Variants in NAALADL2 observed in about 807,000 individuals in gnomAD.
NAALADL2 encodes N-acetylated alpha-linked acidic dipeptidase like 2.
A neutral mutation model predicts 87.2 loss-of-function variants in NAALADL2; 76 were observed. The ratio of observed to expected loss-of-function variants is 0.87; its 90% CI spans 0.72 to 1.05. The LOEUF is 1.05. NAALADL2 is among the 50% of genes least tolerant of loss of function. The probability of loss-of-function intolerance (pLI) is 0.00; values close to 1 mark genes in which losing one functional copy is unlikely to be tolerated. For missense variants in NAALADL2, 1,089 were observed against 945.8 expected, an observed-to-expected ratio of 1.15 and a Z score of -1.99; for synonymous variants, 354 against 331.0, an observed-to-expected ratio of 1.07 and a Z score of -0.75.
chr3:175,787,706 C>G (rs1184549379), intron 13 of NAALADL2, among the ~76,000 whole-genome samples: 1 of 152,180 alleles, frequency 6.6e-6, no homozygotes, highest in East Asian at 1.9e-4. Context: ...TAGACCGGAG[C>G]TGTTCCTATC....
At chr3:175,546,381 G>A (rs889819489) in intron 9 of NAALADL2, among the ~76,000 whole-genome samples, 17 of 151,972 alleles carry the variant, frequency 1.1e-4, no homozygotes, top group South Asian at 4.1e-4. Flanking sequence ...GGCATGTAGC[G>A]CATTTACATT....
intron 1 of NAALADL2, among the ~76,000 whole-genome samples, chr3:174,518,201 A>T (rs1376063816): frequency 1.3e-5 from 2 of 152,112 alleles, no homozygotes; most frequent in Non-Finnish European, 2.9e-5. Flanking sequence ...GCCTGTGTGT[A>T]TGTAATTTCC....
intron 9 of NAALADL2, among the ~76,000 whole-genome samples, chr3:175,535,212 G>T (rs1395903799): frequency 6.6e-6 from 1 of 152,120 alleles, no homozygotes; most frequent in Non-Finnish European, 1.5e-5. Context: ...CCTGTCTTAG[G>T]TTACAAAAGC....
chr3:174,854,661 T>C (rs531617989), upstream of NAALADL2, among the ~76,000 whole-genome samples: 1 of 152,140 alleles, frequency 6.6e-6, no homozygotes, highest in Non-Finnish European at 1.5e-5. Flanking sequence ...GGTACAACCA[T>C]TATGTATCCA....
At chr3:174,860,754 T>C (rs114842219) in intron 1 of NAALADL2, among the ~76,000 whole-genome samples, 5,473 of 152,142 alleles carry the variant, frequency 0.036, 159 homozygotes, top group Non-Finnish European at 0.054. Flanking sequence ...TTATCCCTCT[T>C]TGTGTTAGGA....
intron 2 of NAALADL2, among the ~76,000 whole-genome samples, chr3:175,185,819 A>G (rs1270924921): frequency 2.0e-5 from 3 of 151,482 alleles, no homozygotes; most frequent in Non-Finnish European, 4.4e-5. Context: ...CAATATATCA[A>G]TTATAAATAG....
At chr3:175,433,367 T>C (rs1026587263) in intron 5 of NAALADL2, among the ~76,000 whole-genome samples, 2 of 152,042 alleles carry the variant, frequency 1.3e-5, no homozygotes, top group Non-Finnish European at 2.9e-5. Context: ...AAAAAGAACA[T>C]TTTGAGCAAT....
chr3:174,557,088 A>G (rs1252744062), intron 2 of NAALADL2, among the ~76,000 whole-genome samples: 4 of 152,286 alleles, frequency 2.6e-5, no homozygotes, highest in African/African-American at 9.6e-5. Flanking sequence ...ACAACATGTA[A>G]TTGCTATACA....
intron 2 of NAALADL2, among the ~76,000 whole-genome samples, chr3:174,621,443 A>T (rs763525412): frequency 9.2e-5 from 14 of 152,126 alleles, no homozygotes; most frequent in Non-Finnish European, 1.9e-4. Flanking sequence ...TCATATCATC[A>T]ACTGAAGGAC....
At chr3:175,509,151 G>T (rs1433087193) in intron 9 of NAALADL2, among the ~76,000 whole-genome samples, 1 of 150,954 alleles carries the variant, frequency 6.6e-6, no homozygotes, top group East Asian at 1.9e-4. Flanking sequence ...ATAGAGAACT[G>T]CCAACAAAGC....
At chr3:174,960,043 C>A (rs376760482) in intron 1 of NAALADL2, among the ~76,000 whole-genome samples, 1 of 151,942 alleles carries the variant, frequency 6.6e-6, no homozygotes, top group African/African-American at 2.4e-5. Context: ...CTTGTGGGGG[C>A]AAAGTTGGCT....
chr3:175,063,315 G>A (rs1353092592), intron 1 of NAALADL2, among the ~76,000 whole-genome samples: 1 of 152,086 alleles, frequency 6.6e-6, no homozygotes, highest in Non-Finnish European at 1.5e-5. Context: ...AAATATGTAT[G>A]TAGTTGCTTA....
rs1244783650 is a variant in NAALADL2 at position 174,787,583 on chromosome 3, ATATATATATATATATATATATATAT to A, written c.-9+49838_-9+49862del. On this transcript the variant is annotated intron_variant, in intron 3 of 3. Coordinates refer to the NAALADL2 transcript ENST00000434257. ...AAGAAGGCAATATATCATCATATAT[ATATATATATATATATATATATATAT>A]ATATATATATATAGTAGTGACTCTC... is the stretch of plus-strand genomic sequence containing the variant. Among the ~76,000 whole-genome samples the A allele has an allele frequency of 1.1e-4, 6 of 52,194 alleles. 1 individual carries two copies. The highest frequency in any genetic ancestry group is 1.4e-4 in the African/African-American group (2 of 14,358). The allele number at this position is 52,194 out of a possible 152,430, so 34.2% of individuals were successfully genotyped here.
intron 9 of NAALADL2, among the ~76,000 whole-genome samples, chr3:175,508,680 C>A (rs1189547347): frequency 6.6e-6 from 1 of 152,126 alleles, no homozygotes; most frequent in Non-Finnish European, 1.5e-5. Flanking sequence ...TACATTCATT[C>A]TTCTGAGTTT....
At position 175,234,024 on chromosome 3, in the gene NAALADL2, G is replaced by C. The variant is rs1581039610; in HGVS notation, c.639G>C (p.Gln213His). ...CCTCTTTGGGCCTAGAAGATGTACA[G>C]TTTGTAAATTACTCTGTGCTGCTTG... ...QWTSLGLEDV[Q>H]FVNYSVLLDL... The change falls in exon 3 of 14, where the codon CAG becomes CAC. Residue 213 changes from glutamine (Q) to histidine (H), a missense_variant. Gln to His is a conservative substitution (Grantham distance 24, BLOSUM62 0). Coordinates refer to ENST00000454872, the MANE Select transcript of NAALADL2 (RefSeq NM_207015.3). The C allele has an allele frequency of 1.9e-6, 3 of 1,613,862 alleles. No individual in the cohort carries two copies. The East Asian group carries it at 6.7e-5, about 36-fold the overall frequency.
At chr3:175,048,940 A>T (rs1755019669) in intron 1 of NAALADL2, among the ~76,000 whole-genome samples, 1 of 152,108 alleles carries the variant, frequency 6.6e-6, no homozygotes, top group African/African-American at 2.4e-5. Flanking sequence ...CAAACCACTT[A>T]GTTTCCTAAG....
intron 7 of NAALADL2, among the ~76,000 whole-genome samples, chr3:175,463,991 G>A (rs549344863): frequency 8.6e-5 from 13 of 151,916 alleles, no homozygotes; most frequent in Admixed American, 2.6e-4. Flanking sequence ...CACCAAGCCC[G>A]GCTAATTTTT....
At chr3:175,043,681 G>A (rs1407991355) in intron 1 of NAALADL2, among the ~76,000 whole-genome samples, 1 of 152,070 alleles carries the variant, frequency 6.6e-6, no homozygotes, top group Non-Finnish European at 1.5e-5. Flanking sequence ...CAAATTAGTT[G>A]ACCTTAAAAG....
At chr3:174,446,925 C>G (rs954165095) in intron 1 of NAALADL2, among the ~76,000 whole-genome samples, 2 of 152,102 alleles carry the variant, frequency 1.3e-5, no homozygotes, top group Non-Finnish European at 2.9e-5. Flanking sequence ...TAGGAGCAAC[C>G]TTAAGAAACC....
Sources: allele counts gnomAD v4.1 joint callset (sites outside exome capture counted in the v4.1 genomes callset), GRCh38; gene constraint gnomAD v4.1.1; transcripts MANE v1.5; gene names NCBI Gene and HGNC (gene_info 2026-07-23, HGNC 2026-07-21).